The following DNAJC2 variants were observed in gnomAD, a reference collection of about 807,000 sequenced individuals.
The protein encoded by DNAJC2 is DnaJ heat shock protein family (Hsp40) member C2, also known as dnaJ homolog subfamily C member 2.
A neutral mutation model predicts 94.0 loss-of-function variants in DNAJC2; 32 were observed. The ratio of observed to expected loss-of-function variants is 0.34; its 90% CI spans 0.26 to 0.46. The LOEUF is 0.46. Among genes scored for constraint, DNAJC2 ranks in the 20% least tolerant of loss-of-function variants. The pLI is 1.00. For synonymous variants in DNAJC2, 210 were observed against 229.7 expected (o/e 0.91, Z 0.77); for missense variants, 550 against 719.5 (o/e 0.76, Z 2.69).
chr7:103,334,325 A>T (rs1819084140), intron 3 of DNAJC2, among the ~76,000 whole-genome samples: 1 of 151,452 alleles, frequency 6.6e-6, no homozygotes, highest in Admixed American at 6.6e-5. Context: ...ACTTTGGGAG[A>T]CTGAGGCAGG....
rs984843048 is a variant in DNAJC2, at chr7:103,325,999, A to AT, written c.572+543dup. Among the ~76,000 whole-genome samples, 247 of 148,210 alleles carry AT rather than the reference A, an allele frequency of 1.7e-3. 7 individuals carry two copies. In the East Asian group the frequency reaches 0.037, roughly 22 times the overall value. ...ATACTGTTATTTCTCTCAAAGCAAA[A>AT]TTTTTTTTTTTTGAGATGGAGTCTT... On this transcript the variant is annotated intron_variant, in intron 5 of 16. Transcript: ENST00000379263.
At chr7:103,332,403 G>T in intron 3 of DNAJC2, among the ~76,000 whole-genome samples, 1 of 152,152 alleles carries the variant, frequency 6.6e-6, no homozygotes, top group East Asian at 1.9e-4. Context: ...GCTAGGTTTT[G>T]CATACTCAGA....
chr7:103,327,398 A>C, intron 4 of DNAJC2: 1 of 1,087,672 alleles, frequency 9.2e-7, no homozygotes, highest in Non-Finnish European at 1.3e-6. Flanking sequence ...TGCAGATTTT[A>C]ATCAGTAGGT....
intron 15 of DNAJC2, among the ~76,000 whole-genome samples, chr7:103,314,903 C>T (rs941953945): frequency 1.3e-5 from 2 of 152,100 alleles, no homozygotes; most frequent in Non-Finnish European, 2.9e-5. Context: ...ATTGGTGGCT[C>T]ACAAAACATG....
Position 103,344,760 on chromosome 7 carries a change from C to T in DNAJC2, c.-138G>A, listed in dbSNP as rs1257330805. On this transcript the variant is annotated 5_prime_UTR_variant, in exon 1 of 17. Coordinates refer to ENST00000379263, the MANE Select transcript of DNAJC2 (RefSeq NM_014377.3). ...ACGCCCAGGAACCGGCGCATGGAGA[C>T]GACCAGTAAGCACTTCCGGGATGGA... 1 of 835,900 alleles carries T rather than the reference C, an allele frequency of 1.2e-6. No homozygotes were observed. The highest frequency in any genetic ancestry group is 3.5e-4 in the Middle Eastern group (1 of 2,860). 51.8% of individuals were successfully genotyped at this position (835,900 alleles called of 1,614,324 possible). A position where few individuals can be genotyped will look rare whatever the true frequency, so the allele number is the denominator to read the frequency against.
At position 103,324,510 on chromosome 7, in the gene DNAJC2, C is replaced by CA; in HGVS notation, c.624dup (p.Glu209Ter). Reference sequence around the variant, plus strand: ...AAAGAATAAAATATATCTACATCTTCAAATGATGAATTCATATCACCAAGT... The same window carrying CA: ...AAAGAATAAAATATATCTACATCTTCAAAATGATGAATTCATATCACCAAGT... On this transcript the variant is annotated frameshift_variant, in exon 6 of 17. Coordinates refer to ENST00000379263, the MANE Select transcript of DNAJC2 (RefSeq NM_014377.3). LOFTEE classifies it high-confidence loss of function. 6.7e-7 allele frequency: 1 copy of CA among 1,497,018 alleles called. No homozygotes were observed. The highest frequency in any genetic ancestry group is 9.0e-7 in the Non-Finnish European group (1 of 1,111,706). The allele number at this position is 1,497,018 out of a possible 1,614,324, so 92.7% of individuals were successfully genotyped here.
In DNAJC2 at chr7:103,322,805, G is replaced by GAA; in HGVS notation, c.720-13_720-12dup. On this transcript the variant is annotated splice_polypyrimidine_tract_variant and intron_variant, in intron 7 of 16. Coordinates refer to ENST00000379263, the MANE Select transcript of DNAJC2 (RefSeq NM_014377.3). ...CTCCTCTCATCACGACTATAAAATA[G>GAA]AAAATATTGGAAACAAACTACTGCT... is the stretch of plus-strand genomic sequence containing the variant. The GAA allele has an allele frequency of 6.3e-7, 1 of 1,588,166 alleles. No individual in the cohort carries two copies. The highest frequency in any genetic ancestry group is 8.6e-7 in the Non-Finnish European group (1 of 1,169,190).
At chr7:103,325,209 C>T (rs996651156) in intron 5 of DNAJC2, among the ~76,000 whole-genome samples, 8 of 152,120 alleles carry the variant, frequency 5.3e-5, no homozygotes, top group Non-Finnish European at 1.0e-4. Flanking sequence ...TTTGGGAGGC[C>T]GAGGCCAGCG....
At chr7:103,336,788 C>T (rs1475002455) in intron 3 of DNAJC2, 1 of 152,188 alleles carries the variant, frequency 6.6e-6, no homozygotes, top group Non-Finnish European at 1.5e-5. Flanking sequence ...TTAAACAAAT[C>T]CAGTTTAAAA....
chr7:103,339,973 C>T (rs1257202320), intron 2 of DNAJC2, among the ~76,000 whole-genome samples: 3 of 151,824 alleles, frequency 2.0e-5, no homozygotes, highest in Non-Finnish European at 2.9e-5. Flanking sequence ...CAAGTAGCTG[C>T]GATTACAGGC....
chr7:103,312,497 T>G lies in DNAJC2; in HGVS notation c.*72A>C. The G allele has an allele frequency of 6.3e-7, 1 of 1,575,564 alleles. No individual in the cohort carries two copies. Among genetic ancestry groups the G allele is most frequent in the Non-Finnish European group, 8.6e-7 (1 of 1,163,990 alleles). ...CATACTTTCAAATTATTACCATGAG[T>G]ATAATTTTAAGAATGAAAATGTTTA... On this transcript the variant is annotated 3_prime_UTR_variant, in exon 17 of 17. Coordinates refer to ENST00000379263, the MANE Select transcript of DNAJC2 (RefSeq NM_014377.3).
chr7:103,323,808 G>T (rs1294278144), intron 6 of DNAJC2, 145 bp from the exon 7 acceptor site: 1 of 631,264 alleles, frequency 1.6e-6, no homozygotes, highest in Non-Finnish European at 2.3e-6. Context: ...CCTTTTTTAA[G>T]GACATTGCAT....
chr7:103,315,898 T>G (rs371053692), intron 14 of DNAJC2, 27 bp from the exon 15 acceptor site: 1 of 1,562,124 alleles, frequency 6.4e-7, no homozygotes, highest in Admixed American at 1.7e-5. Context: ...ATTTAATACT[T>G]AACAGATCAT....
intron 2 of DNAJC2, among the ~76,000 whole-genome samples, chr7:103,340,319 T>C (rs545076037): frequency 1.3e-5 from 2 of 152,232 alleles, no homozygotes; most frequent in Non-Finnish European, 2.9e-5. Flanking sequence ...TGCTCCCCAA[T>C]GTTGTCTTTT....
chr7:103,323,734 A>G, intron 6 of DNAJC2, 71 bp from the exon 7 acceptor site: 7 of 1,169,734 alleles, frequency 6.0e-6, no homozygotes, highest in Non-Finnish European at 8.0e-6. Context: ...ATGCAAGTGA[A>G]TGAATTTGTT....
At chr7:103,340,732 C>A (rs552939268) in intron 2 of DNAJC2, among the ~76,000 whole-genome samples, 1 of 152,352 alleles carries the variant, frequency 6.6e-6, no homozygotes, top group South Asian at 2.1e-4. Context: ...TTTGTTTATA[C>A]TTTTGTCCCT....
In DNAJC2 at chr7:103,312,490, C is replaced by G; in HGVS notation, c.*79G>C. ...GAAGCAGCATACTTTCAAATTATTA[C>G]CATGAGTATAATTTTAAGAATGAAA... is the stretch of plus-strand genomic sequence containing the variant. On this transcript the variant is annotated 3_prime_UTR_variant, in exon 17 of 17. Coordinates refer to ENST00000379263, the MANE Select transcript of DNAJC2 (RefSeq NM_014377.3). The G allele has an allele frequency of 6.4e-7, 1 of 1,566,978 alleles. No homozygotes were observed. Among genetic ancestry groups the G allele is most frequent in the Non-Finnish European group, 8.6e-7 (1 of 1,160,452 alleles).
Position 103,312,588 on chromosome 7 carries a change from G to A in DNAJC2, c.1847C>T (p.Ala616Val). The A allele has an allele frequency of 6.2e-7, 1 of 1,613,020 alleles. No individual in the cohort carries two copies. Among genetic ancestry groups the A allele is most frequent in the South Asian group, 1.1e-5 (1 of 90,784 alleles). Residue 616 changes from alanine (A) to valine (V), a missense_variant, in exon 17 of 17, where the codon GCA becomes GTA. Physicochemically the swap from Ala to Val is moderately conservative, Grantham distance 64. This residue lies in a region of DNAJC2 where 271 missense variants were observed against 302.6 expected (regional missense o/e 0.90). Coordinates refer to ENST00000379263, the MANE Select transcript of DNAJC2 (RefSeq NM_014377.3). ...KKAAQEQVLNASRAKK is the reference protein window; with the variant it reads ...KKAAQEQVLNVSRAKK ...AGATTGTCATTTCTTGGCTCTACTT[G>A]CATTCAGCACTTGTTCTTGAGCAGC... is the stretch of plus-strand genomic sequence containing the variant.
At chr7:103,327,856 A>C (rs1818789256) in intron 3 of DNAJC2, 102 bp from the exon 4 acceptor site, 1 of 649,174 alleles carries the variant, frequency 1.5e-6, no homozygotes, top group African/African-American at 1.8e-5. Context: ...TAATATTAGA[A>C]TCTTTTCTCC....
Sources: gnomAD v4.1 joint callset for allele counts (sites outside exome capture counted in the v4.1 genomes callset) on GRCh38, gnomAD v4.1.1 for gene constraint, gnomAD v4.1.1 regional missense constraint, MANE v1.5 for transcripts, NCBI Gene and HGNC (gene_info 2026-07-23, HGNC 2026-07-21) for gene names.